The following RAB3C variants were observed in gnomAD, a reference collection of about 807,000 sequenced individuals.
RAB3C encodes the protein ras-related protein Rab-3C.
Under a neutral mutation model 26.4 loss-of-function variants are expected in RAB3C, and 17 were observed. The ratio of observed to expected loss-of-function variants is 0.64; its 90% CI spans 0.44 to 0.97. The LOEUF (loss-of-function observed/expected upper bound fraction) is 0.97, where lower values mean the gene tolerates loss of function less well. Among genes scored for constraint, RAB3C ranks in the 50% least tolerant of loss-of-function variants. RAB3C has a pLI of 0.00. For synonymous variants in RAB3C, 91 were observed against 95.9 expected (o/e 0.95, Z 0.30); for missense variants, 242 against 281.9 (o/e 0.86, Z 1.01).
At chr5:58,733,024 A>C (rs1247300675) in intron 3 of RAB3C, among the ~76,000 whole-genome samples, 4 of 152,184 alleles carry the variant, frequency 2.6e-5, no homozygotes, top group Admixed American at 1.3e-4. Flanking sequence ...ATCCCAGAGT[A>C]GGTTAGTTGC....
intron 4 of RAB3C, among the ~76,000 whole-genome samples, chr5:58,839,004 G>A (rs1743814579): frequency 6.7e-6 from 1 of 149,818 alleles, no homozygotes; most frequent in Non-Finnish European, 1.5e-5. Context: ...TTTTTTAACT[G>A]CTGCAAGTAT....
At chr5:58,594,394 C>T (rs1442682261) in intron 1 of RAB3C, among the ~76,000 whole-genome samples, 3 of 152,158 alleles carry the variant, frequency 2.0e-5, no homozygotes, top group African/African-American at 4.8e-5. Flanking sequence ...AAACACAGCA[C>T]ACCTGTGATG....
chr5:58,675,609 A>G (rs886768407), intron 2 of RAB3C, among the ~76,000 whole-genome samples: 1 of 127,340 alleles, frequency 7.9e-6, no homozygotes, highest in Non-Finnish European at 1.6e-5. Flanking sequence ...ACCAGAGGCC[A>G]TTTGTCTTTT....
chr5:58,596,732 AT>A (rs1382272093), intron 1 of RAB3C, among the ~76,000 whole-genome samples: 278 of 25,872 alleles, frequency 0.011, 4 homozygotes, highest in African/African-American at 0.012. Context: ...ATAATACATA[AT>A]ATATAAATAT....
At chr5:58,591,365 C>T (rs1435097635) in intron 1 of RAB3C, among the ~76,000 whole-genome samples, 1 of 151,946 alleles carries the variant, frequency 6.6e-6, no homozygotes, top group East Asian at 1.9e-4. Context: ...TGTCAATTTG[C>T]CTACTTATCC....
At chr5:58,675,833 A>G (rs1378579226) in intron 2 of RAB3C, among the ~76,000 whole-genome samples, 1 of 151,696 alleles carries the variant, frequency 6.6e-6, no homozygotes, top group Non-Finnish European at 1.5e-5. Context: ...CTCATTTCCT[A>G]CTCATTGACT....
chr5:58,600,345 T>G (rs1746422724), intron 1 of RAB3C, among the ~76,000 whole-genome samples: 1 of 152,096 alleles, frequency 6.6e-6, no homozygotes, highest in African/African-American at 2.4e-5. Flanking sequence ...TTCATATGAA[T>G]TTTAGAATTT....
At chr5:58,626,609 C>G (rs1426064508) in intron 2 of RAB3C, among the ~76,000 whole-genome samples, 1 of 152,094 alleles carries the variant, frequency 6.6e-6, no homozygotes, top group Non-Finnish European at 1.5e-5. Context: ...TTCTCCATGC[C>G]AGTGTTTTCA....
chr5:58,620,943 C>T (rs992754873), intron 2 of RAB3C, among the ~76,000 whole-genome samples: 1 of 142,580 alleles, frequency 7.0e-6, no homozygotes, highest in Non-Finnish European at 1.5e-5. Context: ...GGAATCCTTG[C>T]ATTATGCTAT....
At chr5:58,784,043 C>T (rs1001947504) in intron 3 of RAB3C, among the ~76,000 whole-genome samples, 5 of 152,136 alleles carry the variant, frequency 3.3e-5, no homozygotes, top group African/African-American at 4.8e-5. Context: ...GCCTGGTTCT[C>T]ATCCTGAGAT....
At chr5:58,670,727 C>CT (rs1748098927) in intron 2 of RAB3C, among the ~76,000 whole-genome samples, 1 of 152,156 alleles carries the variant, frequency 6.6e-6, no homozygotes, top group African/African-American at 2.4e-5. Flanking sequence ...AAGCAGAGGC[C>CT]TTATGTCTGC....
intron 3 of RAB3C, among the ~76,000 whole-genome samples, chr5:58,779,189 T>C (rs137876353): frequency 0.014 from 2,080 of 152,080 alleles, 21 homozygotes; most frequent in Middle Eastern, 0.031. Flanking sequence ...AGCAACAAAC[T>C]GATCCCATCC....
Position 58,623,833 on chromosome 5 carries a change from G to A in RAB3C, c.252+5963G>A, listed in dbSNP as rs143326780. 1.6e-3 allele frequency among the ~76,000 whole-genome samples: 239 copies of A among 152,248 alleles called. 2 individuals carry two copies. Among genetic ancestry groups the A allele is most frequent in the African/African-American group, 5.3e-3 (222 of 41,538 alleles). On this transcript the variant is annotated intron_variant, in intron 2 of 4. Coordinates refer to ENST00000282878, the MANE Select transcript of RAB3C (RefSeq NM_138453.4). ...GTAGAGTGGCCTAGTGGCTTGAGCA[G>A]GGACTTTGGAGTCTGGTGACCCAGG...
At chr5:58,835,131 C>A (rs1486362512) in intron 4 of RAB3C, among the ~76,000 whole-genome samples, 1 of 152,126 alleles carries the variant, frequency 6.6e-6, no homozygotes, top group African/African-American at 2.4e-5. Context: ...GAGTGATAAA[C>A]TCCACTTCCT....
At chr5:58,591,323 G>A (rs892084516) in intron 1 of RAB3C, among the ~76,000 whole-genome samples, 33 of 152,070 alleles carry the variant, frequency 2.2e-4, no homozygotes, top group African/African-American at 7.2e-4. Flanking sequence ...ATCAATTACT[G>A]TTAAAGAGGT....
chr5:58,641,612 C>G (rs1293520893), intron 2 of RAB3C, among the ~76,000 whole-genome samples: 2 of 152,194 alleles, frequency 1.3e-5, no homozygotes, highest in Non-Finnish European at 2.9e-5. Flanking sequence ...AGTGGCACAT[C>G]TGACTAGTGA....
intron 4 of RAB3C, among the ~76,000 whole-genome samples, chr5:58,829,088 A>G (rs1743555780): frequency 6.6e-6 from 1 of 151,688 alleles, no homozygotes; most frequent in African/African-American, 2.4e-5. Flanking sequence ...TATTTTTAGT[A>G]GAGATGGGCT....
intron 1 of RAB3C, among the ~76,000 whole-genome samples, chr5:58,609,243 A>C (rs1746640720): frequency 6.6e-6 from 1 of 152,158 alleles, no homozygotes; most frequent in Non-Finnish European, 1.5e-5. Flanking sequence ...AGTGTGGACC[A>C]GTCAGAGAGA....
At chr5:58,714,698 T>C (rs1351221572) in intron 2 of RAB3C, among the ~76,000 whole-genome samples, 1 of 152,112 alleles carries the variant, frequency 6.6e-6, no homozygotes, top group Non-Finnish European at 1.5e-5. Flanking sequence ...AAGTTAAAGA[T>C]ATTGCTTGTT....
Sources: gnomAD v4.1 joint callset for allele counts (sites outside exome capture counted in the v4.1 genomes callset) on GRCh38, gnomAD v4.1.1 for gene constraint, MANE v1.5 for transcripts, NCBI Gene and HGNC (gene_info 2026-07-23, HGNC 2026-07-21) for gene names.